The following MALRD1 variants were observed in gnomAD, a reference collection of about 807,000 sequenced individuals.
The protein encoded by MALRD1 is MAM and LDL-receptor class A domain-containing protein 1.
MALRD1 carries 247 observed loss-of-function variants against 242.1 expected under a neutral mutation model. The observed-to-expected ratio is 1.02, with a 90% CI of 0.92 to 1.13. MALRD1 has a LOEUF of 1.13. Ranked by LOEUF, MALRD1 falls within the 50% of genes most tolerant of loss-of-function variation. MALRD1 has a pLI of 0.00. For synonymous variants in MALRD1, 995 were observed against 866.6 expected, an observed-to-expected ratio of 1.15 and a Z score of -2.60; for missense variants, 2,989 against 2,533.1, an observed-to-expected ratio of 1.18 and a Z score of -3.86.
intron 31 of MALRD1, among the ~76,000 whole-genome samples, chr10:19,499,305 T>C (rs1255876128): frequency 6.6e-6 from 1 of 152,104 alleles, no homozygotes; most frequent in Non-Finnish European, 1.5e-5. Flanking sequence ...TAAAAAAATA[T>C]CTAAGATATT....
intron 18 of MALRD1, among the ~76,000 whole-genome samples, chr10:19,210,251 T>C (rs928642573): frequency 6.6e-6 from 1 of 152,212 alleles, no homozygotes; most frequent in African/African-American, 2.4e-5. Flanking sequence ...TTAACAGTTT[T>C]GTAAAGGAAT....
chr10:19,048,187 T>A (rs1834386657), upstream of MALRD1, among the ~76,000 whole-genome samples: 1 of 152,224 alleles, frequency 6.6e-6, no homozygotes, highest in Admixed American at 6.5e-5. Context: ...GCAGGATATT[T>A]GAGCTCTAAT....
chr10:19,474,130 C>G (rs1408926734), intron 29 of MALRD1, among the ~76,000 whole-genome samples: 1 of 151,042 alleles, frequency 6.6e-6, no homozygotes, highest in Non-Finnish European at 1.5e-5. Context: ...TGTGTATGTT[C>G]TTTGGAGAAA....
At chr10:19,686,423 A>T (rs1233567398) in intron 36 of MALRD1, among the ~76,000 whole-genome samples, 2 of 152,082 alleles carry the variant, frequency 1.3e-5, no homozygotes, top group Non-Finnish European at 2.9e-5. Flanking sequence ...TTCCCTTACC[A>T]GTCCAACATC....
intron 36 of MALRD1, among the ~76,000 whole-genome samples, chr10:19,628,177 T>C (rs187797912): frequency 1.3e-5 from 2 of 152,318 alleles, no homozygotes; most frequent in Non-Finnish European, 2.9e-5. Context: ...CCCTTTTATA[T>C]ATAGCTTGTG....
chr10:19,517,961 A>G (rs1448024534), intron 31 of MALRD1, among the ~76,000 whole-genome samples: 1 of 152,204 alleles, frequency 6.6e-6, no homozygotes, highest in Non-Finnish European at 1.5e-5. Flanking sequence ...TATGACTTAT[A>G]AATCAGGTAG....
chr10:19,661,974 G>T (rs754931908), intron 36 of MALRD1, among the ~76,000 whole-genome samples: 12 of 151,984 alleles, frequency 7.9e-5, no homozygotes, highest in Admixed American at 4.6e-4. Context: ...CAAAAACTGA[G>T]ATTCTAAATT....
intron 28 of MALRD1, among the ~76,000 whole-genome samples, chr10:19,423,677 G>A (rs1156731262): frequency 6.6e-6 from 1 of 152,088 alleles, no homozygotes; most frequent in Non-Finnish European, 1.5e-5. Context: ...TCCAGGAATG[G>A]GAGAGGAGAA....
At chr10:19,177,440 A>T (rs12769479) in intron 14 of MALRD1, among the ~76,000 whole-genome samples, 29,075 of 151,942 alleles carry the variant, frequency 0.19, 3,063 homozygotes, top group Admixed American at 0.27. Flanking sequence ...ACTGTCTTGT[A>T]ATGTAGTATT....
chr10:19,547,802 ATATATATATATATATATTTTTT>A (rs1835284651), intron 32 of MALRD1, among the ~76,000 whole-genome samples: 3 of 14,506 alleles, frequency 2.1e-4, no homozygotes, highest in South Asian at 2.8e-3. Flanking sequence ...ATATATATAT[ATATATATATATATATATTTTTT>A]TTTTTTTTTT....
intron 28 of MALRD1, among the ~76,000 whole-genome samples, chr10:19,424,153 A>T (rs917427079): frequency 6.6e-6 from 1 of 150,692 alleles, no homozygotes; most frequent in Non-Finnish European, 1.5e-5. Context: ...GTTTTTCTTT[A>T]TTTTTTTTTC....
At position 19,491,658 on chromosome 10, in the gene MALRD1, ATC is replaced by A; in HGVS notation, c.5158+15_5158+16del. On this transcript the variant is annotated intron_variant, in intron 30 of 39. Coordinates refer to ENST00000454679, the MANE Select transcript of MALRD1 (RefSeq NM_001142308.3). The stretch of plus-strand genomic sequence containing the variant: ...GAAGCTCACTGTGGTAAGTTTATCT[ATC>A]TGCTGTATGGCAGCCAGTTCAGCAG... 2.6e-6 allele frequency: 4 copies of A among 1,547,182 alleles called. No homozygotes were observed. The highest frequency in any genetic ancestry group is 1.2e-5 in the South Asian group (1 of 84,000).
intron 21 of MALRD1, among the ~76,000 whole-genome samples, chr10:19,302,312 T>A (rs181582709): frequency 2.5e-4 from 38 of 151,868 alleles, no homozygotes; most frequent in Admixed American, 3.9e-4. Context: ...TGAAAACATA[T>A]ACCCACAAAA....
intron 21 of MALRD1, among the ~76,000 whole-genome samples, chr10:19,296,601 G>A (rs1483699484): frequency 6.6e-6 from 1 of 152,048 alleles, no homozygotes; most frequent in Non-Finnish European, 1.5e-5. Flanking sequence ...TAAGGCATAT[G>A]CTTACTATAA....
At chr10:19,241,727 G>A (rs76909809) in intron 18 of MALRD1, among the ~76,000 whole-genome samples, 2,506 of 152,018 alleles carry the variant, frequency 0.016, 88 homozygotes, top group East Asian at 0.16. Flanking sequence ...CTTTTGCTAC[G>A]TTCCATAGGT....
At chr10:19,556,928 C>T (rs1312507341) in intron 32 of MALRD1, among the ~76,000 whole-genome samples, 2 of 152,092 alleles carry the variant, frequency 1.3e-5, no homozygotes, top group African/African-American at 4.8e-5. Flanking sequence ...ATGAGAGTTC[C>T]TGTGGCTCTA....
At position 19,708,278 on chromosome 10, in the gene MALRD1, C is replaced by T. The variant is rs1589427000; in HGVS notation, c.6314+15724C>T. Among the ~76,000 whole-genome samples the T allele has an allele frequency of 1.7e-5, 2 of 119,608 alleles. 1 individual carries two copies. The highest frequency in any genetic ancestry group is 6.3e-4 in the South Asian group (2 of 3,178). The allele number at this position is 119,608 out of a possible 152,430, so 78.5% of individuals were successfully genotyped here. A position where few individuals can be genotyped will look rare whatever the true frequency, so the allele number is the denominator to read the frequency against. On this transcript the variant is annotated intron_variant, in intron 38 of 39. Coordinates refer to ENST00000454679, the MANE Select transcript of MALRD1 (RefSeq NM_001142308.3). ...ATTTATAGGCTACCCCCACAATTTA[C>T]ACCATGACTACATATGATGTTATGT...
At chr10:19,238,574 A>AATGTATATTATATATAATATACATT (rs1838602076) in intron 18 of MALRD1, among the ~76,000 whole-genome samples, 5 of 108,276 alleles carry the variant, frequency 4.6e-5, no homozygotes, top group Non-Finnish European at 7.4e-5. Flanking sequence ...TAATATACAT[A>AATGTATATTATATATAATATACATT]ATGTATATTA....
intron 36 of MALRD1, among the ~76,000 whole-genome samples, chr10:19,671,637 T>A (rs1841925182): frequency 1.3e-5 from 2 of 151,984 alleles, no homozygotes; most frequent in African/African-American, 2.4e-5. Context: ...AAAAAATAAA[T>A]AATAAATAAA....
Sources: allele counts gnomAD v4.1 joint callset (sites outside exome capture counted in the v4.1 genomes callset), GRCh38; gene constraint gnomAD v4.1.1; transcripts MANE v1.5; gene names NCBI Gene and HGNC (gene_info 2026-07-23, HGNC 2026-07-21).